Variants in ADAMTS17 observed in about 807,000 individuals in gnomAD.
ADAMTS17 encodes ADAM metallopeptidase with thrombospondin type 1 motif 17, also known as A disintegrin and metalloproteinase with thrombospondin motifs 17.
A neutral mutation model predicts 141.5 loss-of-function variants in ADAMTS17; 113 were observed. The observed-to-expected ratio is 0.80, with a 90% CI of 0.69 to 0.93. ADAMTS17 has a LOEUF of 0.93. ADAMTS17 is among the 40% of genes least tolerant of loss of function. The pLI is 0.00. For synonymous variants in ADAMTS17, 768 were observed against 630.6 expected, an observed-to-expected ratio of 1.22 and a Z score of -3.27; for missense variants, 1,659 against 1,517.9, an observed-to-expected ratio of 1.09 and a Z score of -1.54.
chr15:100,124,436 C>G (rs530275469), intron 12 of ADAMTS17, among the ~76,000 whole-genome samples: 1 of 152,250 alleles, frequency 6.6e-6, no homozygotes, highest in Non-Finnish European at 1.5e-5. Flanking sequence ...CTGCTACACA[C>G]GCATCCGAAC....
At chr15:100,135,110 A>G (rs2038258191) in intron 10 of ADAMTS17, among the ~76,000 whole-genome samples, 1 of 152,188 alleles carries the variant, frequency 6.6e-6, no homozygotes, top group African/African-American at 2.4e-5. Context: ...AGAAAGAGGA[A>G]GAAGGTGGTG....
At chr15:100,077,212 G>A (rs1596359874) in intron 15 of ADAMTS17, among the ~76,000 whole-genome samples, 1 of 136,172 alleles carries the variant, frequency 7.3e-6, no homozygotes, top group South Asian at 2.4e-4. Flanking sequence ...GGGAGGCTGA[G>A]ACAGGTGGAA....
intron 4 of ADAMTS17, among the ~76,000 whole-genome samples, chr15:100,274,454 G>C (rs991950455): frequency 1.3e-5 from 2 of 152,096 alleles, no homozygotes; most frequent in African/African-American, 4.8e-5. Context: ...TTGATTTAAA[G>C]TGTCTGTTGT....
chr15:100,116,132 T>TAAAAAAAAAAAAAAAAAAAAAAAAAAA (rs34003703), intron 13 of ADAMTS17, among the ~76,000 whole-genome samples: 1 of 84,782 alleles, frequency 1.2e-5, no homozygotes, highest in East Asian at 3.8e-4. Context: ...CAGTTTTAGG[T>TAAAAAAAAAAAAAAAAAAAAAAAAAAA]AAAAAAAAAA....
intron 8 of ADAMTS17, among the ~76,000 whole-genome samples, chr15:100,176,185 G>A (rs1034306317): frequency 1.8e-4 from 27 of 152,228 alleles, no homozygotes; most frequent in African/African-American, 6.0e-4. Flanking sequence ...GAAGAAAGAA[G>A]AGTGGTTATT....
chr15:100,168,625 A>T (rs533916114), intron 8 of ADAMTS17: 1 of 152,300 alleles, frequency 6.6e-6, no homozygotes, highest in South Asian at 2.1e-4. Context: ...AGCAAAAATC[A>T]TGTGTACGTG....
intron 15 of ADAMTS17, among the ~76,000 whole-genome samples, chr15:100,061,980 A>C (rs1206594276): frequency 6.6e-6 from 1 of 152,236 alleles, no homozygotes; most frequent in Non-Finnish European, 1.5e-5. Flanking sequence ...GGTTGACCCA[A>C]TGTCCTTTGA....
intron 15 of ADAMTS17, among the ~76,000 whole-genome samples, chr15:100,068,091 C>T (rs191266477): frequency 3.0e-4 from 45 of 152,278 alleles, no homozygotes; most frequent in African/African-American, 9.6e-4. Context: ...GCAAACGGCA[C>T]GCCAGGAGAT....
intron 8 of ADAMTS17, among the ~76,000 whole-genome samples, chr15:100,170,639 G>A (rs745463886): frequency 6.6e-6 from 1 of 152,166 alleles, no homozygotes; most frequent in Admixed American, 6.5e-5. Context: ...TTATTCAGAG[G>A]AAATGCTCTA....
intron 15 of ADAMTS17, among the ~76,000 whole-genome samples, chr15:100,079,075 G>C (rs2034565476): frequency 6.6e-6 from 1 of 152,222 alleles, no homozygotes. Flanking sequence ...AGAGAACATG[G>C]AGAAACAGTA....
intron 9 of ADAMTS17, among the ~76,000 whole-genome samples, chr15:100,154,164 G>A (rs940315935): frequency 6.6e-6 from 1 of 152,192 alleles, no homozygotes; most frequent in East Asian, 1.9e-4. Flanking sequence ...CTGGGAGACA[G>A]AGTGAGACTC....
At chr15:100,275,791 G>A (rs1044408174) in intron 4 of ADAMTS17, among the ~76,000 whole-genome samples, 3 of 151,660 alleles carry the variant, frequency 2.0e-5, no homozygotes, top group Middle Eastern at 3.2e-3. Flanking sequence ...AGTGGCTGAC[G>A]CTAATCTAAT....
rs565397931 is a variant in ADAMTS17 at position 100,037,130 on chromosome 15, A to G, written c.2591+11727T>C. ...AAGCAGAACTTTTTGAGGAACTACC[A>G]GATTTTTTTTAAAAAGCGGTTGTGT... On this transcript the variant is annotated intron_variant, in intron 18 of 21. Transcript: ENST00000268070. 1.2e-4 allele frequency among the ~76,000 whole-genome samples: 19 copies of G among 152,216 alleles called. No homozygotes were observed. The South Asian group carries it at 3.5e-3, about 28-fold the overall frequency.
At chr15:100,280,098 T>C (rs1480121516) in intron 4 of ADAMTS17, among the ~76,000 whole-genome samples, 2 of 152,126 alleles carry the variant, frequency 1.3e-5, no homozygotes, top group African/African-American at 2.4e-5. Flanking sequence ...GCTGCTGCTG[T>C]AGGCTGAAAA....
chr15:100,052,146 G>C (rs1040412494), intron 16 of ADAMTS17, among the ~76,000 whole-genome samples: 10 of 152,216 alleles, frequency 6.6e-5, no homozygotes, highest in Non-Finnish European at 1.3e-4. Flanking sequence ...ACCTAGAAAG[G>C]CATCAGAGCA....
chr15:100,043,993 G>T (rs575733187), intron 18 of ADAMTS17, among the ~76,000 whole-genome samples: 1 of 152,068 alleles, frequency 6.6e-6, no homozygotes, highest in Non-Finnish European at 1.5e-5. Context: ...ATGTCACTTT[G>T]TTTTGTAGGT....
intron 15 of ADAMTS17, 98 bp from the exon 16 acceptor site, chr15:100,054,152 G>GTC: frequency 7.1e-7 from 1 of 1,411,424 alleles, no homozygotes; most frequent in Non-Finnish European, 1.0e-6. Flanking sequence ...TGGGGCAGAG[G>GTC]TCTCCCTTCC....
intron 18 of ADAMTS17, among the ~76,000 whole-genome samples, chr15:100,006,182 G>A (rs2061033257): frequency 6.6e-6 from 1 of 152,174 alleles, no homozygotes; most frequent in African/African-American, 2.4e-5. Flanking sequence ...GAATTTTGAA[G>A]AGGACACAAT....
At chr15:100,169,783 T>A (rs1256287870) in intron 8 of ADAMTS17, among the ~76,000 whole-genome samples, 2 of 152,142 alleles carry the variant, frequency 1.3e-5, no homozygotes, top group Non-Finnish European at 1.5e-5. Flanking sequence ...GCCGGGGGCA[T>A]CTGGTCACGG....
Sources: allele counts gnomAD v4.1 joint callset (sites outside exome capture counted in the v4.1 genomes callset), GRCh38; gene constraint gnomAD v4.1.1; transcripts MANE v1.5; gene names NCBI Gene and HGNC (gene_info 2026-07-23, HGNC 2026-07-21).